DLG2: variants seen among roughly 807,000 people sequenced by gnomAD.
DLG2 encodes discs large MAGUK scaffold protein 2, also known as disks large homolog 2.
DLG2 carries 45 observed loss-of-function variants against 132.5 expected under a neutral mutation model. The observed-to-expected ratio is 0.34, with a 90% confidence interval of 0.27 to 0.44. The LOEUF is 0.44. DLG2 is among the 20% of genes least tolerant of loss of function. The probability of loss-of-function intolerance (pLI) is 1.00; values close to 1 mark genes in which losing one functional copy is unlikely to be tolerated. For synonymous variants in DLG2, 424 were observed against 419.6 expected (o/e 1.01, Z -0.13); for missense variants, 1,045 against 1,196.9 (o/e 0.87, Z 1.87).
chr11:84,986,855 A>G lies in DLG2; in HGVS notation c.357+124806T>C, dbSNP rs564931500. 6.2e-4 allele frequency among the ~76,000 whole-genome samples: 94 copies of G among 152,328 alleles called. 2 individuals are homozygous for G. The South Asian group carries it at 6.6e-3, about 11-fold the overall frequency. On this transcript the variant is annotated intron_variant, in intron 6 of 27. Transcript: ENST00000376104. ...CATTTCCTCTGAGAACTAGAACAAG[A>G]CAAGGATGCCTGCTCTAATCACTCC...
chr11:84,509,688 A>C (rs1173012350), intron 7 of DLG2, among the ~76,000 whole-genome samples: 4 of 152,206 alleles, frequency 2.6e-5, no homozygotes, highest in Non-Finnish European at 5.9e-5. Context: ...CTAAGTACAA[A>C]ATCTATATGT....
At chr11:85,561,904 T>C (rs1367415426) in intron 3 of DLG2, among the ~76,000 whole-genome samples, 2 of 151,886 alleles carry the variant, frequency 1.3e-5, no homozygotes, top group Non-Finnish European at 2.9e-5. Flanking sequence ...TGCAAAGATC[T>C]TTTTATATAT....
intron 6 of DLG2, among the ~76,000 whole-genome samples, chr11:84,701,580 C>A (rs929268325): frequency 6.6e-6 from 1 of 151,554 alleles, no homozygotes; most frequent in African/African-American, 2.4e-5. Flanking sequence ...CAAAATGTTA[C>A]AATTGAAAGG....
intron 7 of DLG2, among the ~76,000 whole-genome samples, chr11:84,524,153 C>T (rs1030666285): frequency 5.9e-5 from 9 of 152,256 alleles, no homozygotes; most frequent in Admixed American, 4.6e-4. Flanking sequence ...AGAAAGTTTA[C>T]GAATCTGTGC....
chr11:85,296,834 A>G (rs1367054306), intron 3 of DLG2, among the ~76,000 whole-genome samples: 1 of 150,500 alleles, frequency 6.6e-6, no homozygotes, highest in East Asian at 1.9e-4. Flanking sequence ...TTGAAAATAT[A>G]TTCCTATAAA....
chr11:83,512,015 T>C lies in DLG2; in HGVS notation c.2193+20693A>G, dbSNP rs961356705. ...CTCACAGTGTGCAATAATTGCTATG[T>C]TGGAAATTTGTAAACAGTTTGTGAG... On this transcript the variant is annotated intron_variant, in intron 21 of 27. Transcript: ENST00000376104. Among the ~76,000 whole-genome samples the C allele has an allele frequency of 2.8e-4, 43 of 152,090 alleles. 1 individual carries two copies. Among genetic ancestry groups the C allele is most frequent in the Admixed American group, 7.2e-4 (11 of 15,268 alleles).
At chr11:85,555,999 C>T (rs1018397864) in intron 3 of DLG2, among the ~76,000 whole-genome samples, 7 of 151,796 alleles carry the variant, frequency 4.6e-5, no homozygotes, top group Non-Finnish European at 7.4e-5. Context: ...TCCATGTATA[C>T]ATAAATCAAT....
At chr11:84,813,451 T>C (rs764048349) in intron 6 of DLG2, among the ~76,000 whole-genome samples, 1 of 152,108 alleles carries the variant, frequency 6.6e-6, no homozygotes, top group Non-Finnish European at 1.5e-5. Context: ...TAGAAAATAA[T>C]AGCACTAACA....
chr11:84,187,333 T>A (rs185983646), intron 8 of DLG2, among the ~76,000 whole-genome samples: 9 of 152,120 alleles, frequency 5.9e-5, no homozygotes, highest in African/African-American at 1.7e-4. Context: ...GGTTTCTACT[T>A]CAAGAGTATA....
chr11:84,821,291 G>A (rs752836684), intron 6 of DLG2, among the ~76,000 whole-genome samples: 15 of 151,650 alleles, frequency 9.9e-5, no homozygotes, highest in Non-Finnish European at 2.1e-4. Context: ...ATCATGATCT[G>A]TACTAGGGGC....
chr11:85,088,668 T>C (rs1278075099), intron 6 of DLG2, among the ~76,000 whole-genome samples: 1 of 152,188 alleles, frequency 6.6e-6, no homozygotes, highest in Admixed American at 6.5e-5. Context: ...ACAAGAAATT[T>C]TGTATTTCCC....
intron 18 of DLG2, among the ~76,000 whole-genome samples, chr11:83,720,450 T>C (rs2088188638): frequency 6.6e-6 from 1 of 151,814 alleles, no homozygotes; most frequent in South Asian, 2.1e-4. Context: ...TTCAAGATTC[T>C]CAAAAGCCCA....
At chr11:84,465,122 AT>A (rs2099090703) in intron 7 of DLG2, among the ~76,000 whole-genome samples, 1 of 151,160 alleles carries the variant, frequency 6.6e-6, no homozygotes, top group Non-Finnish European at 1.5e-5. Flanking sequence ...ATTCACTTCC[AT>A]TATCATGGCT....
intron 19 of DLG2, among the ~76,000 whole-genome samples, chr11:83,607,485 T>C (rs1420063084): frequency 6.6e-6 from 1 of 152,172 alleles, no homozygotes; most frequent in Non-Finnish European, 1.5e-5. Flanking sequence ...ACAGGACTCC[T>C]CCCGTCCATC....
intron 8 of DLG2, among the ~76,000 whole-genome samples, chr11:84,189,438 G>T (rs2096357316): frequency 6.6e-6 from 1 of 152,172 alleles, no homozygotes; most frequent in African/African-American, 2.4e-5. Context: ...CCTAGAGGCA[G>T]AAATACCATT....
chr11:84,512,564 C>T (rs1412155590), intron 7 of DLG2, among the ~76,000 whole-genome samples: 1 of 151,946 alleles, frequency 6.6e-6, no homozygotes. Flanking sequence ...ATGACTACCA[C>T]AAGATATATT....
At chr11:85,533,831 C>G (rs1028173650) in intron 3 of DLG2, among the ~76,000 whole-genome samples, 1 of 152,122 alleles carries the variant, frequency 6.6e-6, no homozygotes, top group African/African-American at 2.4e-5. Context: ...TAATCAGAAG[C>G]CTCCACAAGT....
At chr11:84,751,271 T>C (rs1338126949) in intron 6 of DLG2, among the ~76,000 whole-genome samples, 12 of 152,158 alleles carry the variant, frequency 7.9e-5, no homozygotes, top group South Asian at 2.1e-4. Context: ...AATAAGCATA[T>C]GTGCTTTATC....
At chr11:85,024,619 G>GA (rs2060361249) in intron 6 of DLG2, among the ~76,000 whole-genome samples, 1 of 152,168 alleles carries the variant, frequency 6.6e-6, no homozygotes, top group Non-Finnish European at 1.5e-5. Flanking sequence ...TAAATGTGCA[G>GA]AAAAAATAGT....
Sources: gnomAD v4.1 joint callset for allele counts (sites outside exome capture counted in the v4.1 genomes callset) on GRCh38, gnomAD v4.1.1 for gene constraint, MANE v1.5 for transcripts, NCBI Gene and HGNC (gene_info 2026-07-23, HGNC 2026-07-21) for gene names.